Variants in SHTN1 observed in about 807,000 individuals in gnomAD.
SHTN1 encodes shootin 1, also known as shootin-1.
Under a neutral mutation model 83.1 loss-of-function variants are expected in SHTN1, and 42 were observed. The observed-to-expected ratio is 0.51, with a 90% CI of 0.39 to 0.65. The LOEUF (loss-of-function observed/expected upper bound fraction) is 0.65. SHTN1 is among the 30% of genes least tolerant of loss of function. The pLI is 0.00. For missense variants in SHTN1, 622 were observed against 737.8 expected, an observed-to-expected ratio of 0.84 and a Z score of 1.82; for synonymous variants, 224 against 247.7, an observed-to-expected ratio of 0.90 and a Z score of 0.90.
chr10:116,950,230 T>C (rs561257693), intron 6 of SHTN1, among the ~76,000 whole-genome samples: 1 of 152,268 alleles, frequency 6.6e-6, no homozygotes, highest in African/African-American at 2.4e-5. Context: ...GGTAATACGA[T>C]CATAGCTCAT....
intron 9 of SHTN1, among the ~76,000 whole-genome samples, chr10:116,935,096 C>CATG (rs1167798141): frequency 6.6e-6 from 1 of 152,204 alleles, no homozygotes; most frequent in African/African-American, 2.4e-5. Flanking sequence ...AATATACAAT[C>CATG]ATGTCATCTG....
intron 2 of SHTN1, among the ~76,000 whole-genome samples, chr10:117,026,730 G>C (rs956882583): frequency 6.6e-6 from 1 of 152,166 alleles, no homozygotes; most frequent in African/African-American, 2.4e-5. Flanking sequence ...TCAAATTCCA[G>C]ATAGACTTCT....
At chr10:116,924,913 C>T (rs1337809073) in intron 11 of SHTN1, among the ~76,000 whole-genome samples, 2 of 151,944 alleles carry the variant, frequency 1.3e-5, no homozygotes, top group African/African-American at 2.4e-5. Flanking sequence ...ACCCACCACG[C>T]CTGGCTAATT....
At chr10:117,010,968 G>C (rs1179654101) in intron 2 of SHTN1, among the ~76,000 whole-genome samples, 1 of 152,132 alleles carries the variant, frequency 6.6e-6, no homozygotes, top group African/African-American at 2.4e-5. Context: ...CTATAATCAT[G>C]GTCAATGGTG....
At chr10:117,027,648 G>A (rs1852350852) in intron 2 of SHTN1, among the ~76,000 whole-genome samples, 2 of 151,916 alleles carry the variant, frequency 1.3e-5, no homozygotes, top group South Asian at 2.1e-4. Context: ...ACAGGCACCC[G>A]CCACCACACC....
At chr10:116,969,853 TCAC>T (rs1306223843) in intron 2 of SHTN1, among the ~76,000 whole-genome samples, 2 of 152,182 alleles carry the variant, frequency 1.3e-5, no homozygotes, top group Admixed American at 6.5e-5. Flanking sequence ...AACAAGATAT[TCAC>T]CACAAGTAGC....
chr10:117,004,933 G>T (rs1325065123), intron 1 of SHTN1, 89 bp downstream of exon 1: 1 of 1,213,214 alleles, frequency 8.2e-7, no homozygotes, highest in Non-Finnish European at 1.1e-6. Context: ...TCTCCCGCCC[G>T]GCTTCCAACT....
chr10:116,985,731 T>A (rs1372577159), intron 1 of SHTN1, among the ~76,000 whole-genome samples: 1 of 152,194 alleles, frequency 6.6e-6, no homozygotes, highest in East Asian at 1.9e-4. Flanking sequence ...TAGACTTTCA[T>A]CCATTCAGTC....
At chr10:117,090,354 G>A (rs1853411681) in intron 1 of SHTN1, among the ~76,000 whole-genome samples, 1 of 152,162 alleles carries the variant, frequency 6.6e-6, no homozygotes, top group African/African-American at 2.4e-5. Context: ...ACCTAGAGTA[G>A]TCAGATTCAT....
At chr10:116,922,456 G>T (rs1329834640) in intron 11 of SHTN1, among the ~76,000 whole-genome samples, 1 of 151,846 alleles carries the variant, frequency 6.6e-6, no homozygotes, top group Non-Finnish European at 1.5e-5. Context: ...TGATTCCACT[G>T]CCATATATCC....
At chr10:116,941,741 C>T (rs1849379120) in intron 8 of SHTN1, among the ~76,000 whole-genome samples, 1 of 152,216 alleles carries the variant, frequency 6.6e-6, no homozygotes, top group African/African-American at 2.4e-5. Flanking sequence ...TGTGGCAAGA[C>T]CACAGCTTTA....
chr10:117,106,870 T>G (rs1275083872), intron 1 of SHTN1, among the ~76,000 whole-genome samples: 1 of 152,074 alleles, frequency 6.6e-6, no homozygotes, highest in Non-Finnish European at 1.5e-5. Flanking sequence ...ACCTGACAAA[T>G]TACTTAGTCT....
intron 16 of SHTN1, among the ~76,000 whole-genome samples, chr10:116,900,137 G>C (rs1847679767): frequency 1.3e-5 from 2 of 152,300 alleles, no homozygotes; most frequent in East Asian, 1.9e-4. Context: ...GTAAATTACT[G>C]TCAATATGAA....
chr10:117,003,896 T>C (rs2133545344), intron 1 of SHTN1, among the ~76,000 whole-genome samples: 1 of 152,246 alleles, frequency 6.6e-6, no homozygotes, highest in East Asian at 1.9e-4. Context: ...TTATTTATTA[T>C]TATTATTTTT....
intron 2 of SHTN1, among the ~76,000 whole-genome samples, chr10:117,012,489 A>G (rs1047130615): frequency 5.3e-5 from 8 of 152,144 alleles, no homozygotes; most frequent in African/African-American, 1.7e-4. Flanking sequence ...AACAAAACCA[A>G]TTCAATGGGA....
At chr10:116,904,130 C>A (rs2133330264) in intron 15 of SHTN1, among the ~76,000 whole-genome samples, 2 of 152,268 alleles carry the variant, frequency 1.3e-5, no homozygotes, top group East Asian at 3.9e-4. Context: ...CTACTTGTGA[C>A]TTCACATTTA....
intron 2 of SHTN1, among the ~76,000 whole-genome samples, chr10:117,034,891 T>G (rs1852473114): frequency 6.6e-6 from 1 of 152,120 alleles, no homozygotes; most frequent in Admixed American, 6.5e-5. Flanking sequence ...ATTGTTAAAA[T>G]GTCCATACTA....
chr10:117,083,437 A>G (rs1853302946), intron 1 of SHTN1, among the ~76,000 whole-genome samples: 2 of 151,072 alleles, frequency 1.3e-5, no homozygotes, highest in Admixed American at 6.6e-5. Flanking sequence ...CTTTGAGGGT[A>G]ACCCGACCTT....
chr10:117,122,886 T>C (rs1853951783), intron 1 of SHTN1, among the ~76,000 whole-genome samples: 1 of 152,240 alleles, frequency 6.6e-6, no homozygotes, highest in African/African-American at 2.4e-5. Flanking sequence ...TAGCCAATGC[T>C]TCTACCCTCT....
Sources: gnomAD v4.1 joint callset for allele counts (sites outside exome capture counted in the v4.1 genomes callset) on GRCh38, gnomAD v4.1.1 for gene constraint, MANE v1.5 for transcripts, NCBI Gene and HGNC (gene_info 2026-07-23, HGNC 2026-07-21) for gene names.